The following CELF2 variants were observed in gnomAD, a reference collection of about 807,000 sequenced individuals.
CELF2 encodes the protein CUG triplet repeat RNA-binding protein 2.
Under a neutral mutation model 62.6 loss-of-function variants are expected in CELF2, and 8 were observed. The observed-to-expected ratio is 0.13, with a 90% CI of 0.07 to 0.23. CELF2 has a LOEUF of 0.23. Among genes scored for constraint, CELF2 ranks in the 10% least tolerant of loss-of-function variants. The pLI is 1.00. For synonymous variants in CELF2, 258 were observed against 250.0 expected, an observed-to-expected ratio of 1.03 and a Z score of -0.30; for missense variants, 333 against 671.0, an observed-to-expected ratio of 0.50 and a Z score of 5.56.
intron 2 of CELF2, among the ~76,000 whole-genome samples, chr10:11,204,175 T>C (rs948609821): frequency 6.6e-6 from 1 of 152,224 alleles, no homozygotes; most frequent in Non-Finnish European, 1.5e-5. Flanking sequence ...CCTAAAATTG[T>C]ACAGTGGAAG....
Position 11,321,063 on chromosome 10 carries a change from G to A in CELF2, c.1097-126G>A, listed in dbSNP as rs1196815390. On this transcript the variant is annotated intron_variant, in intron 10 of 12. Coordinates refer to ENST00000633077, the MANE Select transcript of CELF2 (RefSeq NM_001326342.2). This position sits in a 1 kb window ranked among gnomAD's most constrained non-coding sequence, Gnocchi z 6.2. ...TGGTTTCATTTTTAGTTTCCTGTCA[G>A]TGTAATTGTGTGCTAGCTGCATGTA... The A allele has an allele frequency of 4.7e-6, 6 of 1,287,216 alleles. No homozygotes were observed. Among genetic ancestry groups the A allele is most frequent in the African/African-American group, 1.5e-5 (1 of 67,886 alleles). 79.7% of individuals were successfully genotyped at this position (1,287,216 alleles called of 1,614,324 possible).
At chr10:10,554,069 C>G in the CELF2 span, among the ~76,000 whole-genome samples, 1 of 152,012 alleles carries the variant, frequency 6.6e-6, no homozygotes, top group Non-Finnish European at 1.5e-5. Context: ...TTGTGTGATC[C>G]CAGCTGGAGA....
the CELF2 span, among the ~76,000 whole-genome samples, chr10:10,709,933 A>C: frequency 2.0e-5 from 3 of 152,212 alleles, no homozygotes; most frequent in Non-Finnish European, 2.9e-5. Context: ...CTGTTATAGA[A>C]GGGGGAGCTT....
the CELF2 span, among the ~76,000 whole-genome samples, chr10:10,606,045 TG>T: frequency 2.6e-5 from 4 of 152,180 alleles, no homozygotes; most frequent in African/African-American, 7.2e-5. Flanking sequence ...ACTGGTGTTT[TG>T]TTTTGTTCTG....
chr10:10,727,146 C>G, the CELF2 span, among the ~76,000 whole-genome samples: 39 of 152,332 alleles, frequency 2.6e-4, no homozygotes, highest in African/African-American at 8.4e-4. Context: ...CTGGAGATTA[C>G]AGTTGAACAT....
the CELF2 span, among the ~76,000 whole-genome samples, chr10:10,495,309 C>T: frequency 6.6e-6 from 1 of 152,082 alleles, no homozygotes; most frequent in African/African-American, 2.4e-5. Flanking sequence ...TAAACAAGAA[C>T]ATCAAAAAGA....
At chr10:11,091,230 C>T (rs2048242390) in intron 1 of CELF2, among the ~76,000 whole-genome samples, 1 of 152,174 alleles carries the variant, frequency 6.6e-6, no homozygotes, top group Non-Finnish European at 1.5e-5. Context: ...ATTCAGGTTC[C>T]ATCATTTTAA....
chr10:10,943,098 C>T (rs2047227607), intron 2 of CELF2, among the ~76,000 whole-genome samples: 1 of 152,174 alleles, frequency 6.6e-6, no homozygotes, highest in African/African-American at 2.4e-5. Context: ...TCTTCCTTGC[C>T]CCTCCTGTTG....
chr10:11,163,282 T>C (rs924026230), intron 1 of CELF2, among the ~76,000 whole-genome samples: 1 of 152,242 alleles, frequency 6.6e-6, no homozygotes, highest in African/African-American at 2.4e-5. Context: ...TTCTGTTTTC[T>C]GTTAGCCGAG....
In CELF2 at chr10:11,012,703, A is replaced by G. The variant is rs903219374; in HGVS notation, c.53+7263A>G. On this transcript the variant is annotated intron_variant, in intron 1 of 12. Transcript: ENST00000416382. This position sits in a 1 kb window ranked among gnomAD's most constrained non-coding sequence, Gnocchi z 5.5. ...ACAAGAACTTCTGACCAGTTGGGGAAAACATGTCGTCGGGGTGGGGGCAGT... is the reference window on the plus strand; with the variant it reads ...ACAAGAACTTCTGACCAGTTGGGGAGAACATGTCGTCGGGGTGGGGGCAGT... 6.6e-6 allele frequency among the ~76,000 whole-genome samples: 1 copy of G among 152,180 alleles called. No individual in the cohort carries two copies. The highest frequency in any genetic ancestry group is 1.5e-5 in the Non-Finnish European group (1 of 68,030).
At chr10:11,013,833 A>G (rs1051404203), upstream of CELF2, among the ~76,000 whole-genome samples, 1 of 152,230 alleles carries the variant, frequency 6.6e-6, no homozygotes, top group African/African-American at 2.4e-5. The surrounding 1 kb of genome is among the most constrained non-coding windows in gnomAD (Gnocchi z 4.1). Flanking sequence ...GTCATTACGG[A>G]ACCAAGAAGA....
At chr10:11,094,493 T>C (rs1188753003) in intron 1 of CELF2, among the ~76,000 whole-genome samples, 1 of 152,202 alleles carries the variant, frequency 6.6e-6, no homozygotes, top group Non-Finnish European at 1.5e-5. Flanking sequence ...TGACTTGAAA[T>C]GGTTGAATGT....
chr10:10,857,654 T>TAA (rs1181804135), intron 1 of CELF2, among the ~76,000 whole-genome samples: 1 of 111,708 alleles, frequency 9.0e-6, no homozygotes, highest in Non-Finnish European at 1.8e-5. Flanking sequence ...ATATAGTATA[T>TAA]ATATATATAT....
At chr10:11,135,179 T>C (rs1365285195) in intron 1 of CELF2, among the ~76,000 whole-genome samples, 1 of 152,248 alleles carries the variant, frequency 6.6e-6, no homozygotes, top group Non-Finnish European at 1.5e-5. Context: ...TCTGGCATCA[T>C]GTGCCGATGC....
chr10:10,918,963 C>T (rs2064604715), intron 1 of CELF2, among the ~76,000 whole-genome samples: 1 of 152,102 alleles, frequency 6.6e-6, no homozygotes, highest in African/African-American at 2.4e-5. Context: ...TCCAAGAATA[C>T]ATTTCTGATT....
chr10:10,857,319 T>C (rs2059774707), intron 1 of CELF2, among the ~76,000 whole-genome samples: 1 of 151,892 alleles, frequency 6.6e-6, no homozygotes, highest in South Asian at 2.1e-4. Context: ...TCCAACCAGA[T>C]GCAGTGAAAA....
In CELF2 at chr10:11,146,253, C is replaced by T. The variant is rs187513041; in HGVS notation, c.75-19233C>T. 1.2e-4 allele frequency among the ~76,000 whole-genome samples: 18 copies of T among 152,300 alleles called. No individual in the cohort carries two copies. The East Asian group carries it at 3.5e-3, about 29-fold the overall frequency. On this transcript the variant is annotated intron_variant, in intron 1 of 12. Transcript: ENST00000633077. The stretch of plus-strand genomic sequence containing the variant: ...TGAATGAATTATTCAAATAATGACA[C>T]CTTATTAGCAGTATTTTCCACATGT...
chr10:10,505,206 C>T, the CELF2 span, among the ~76,000 whole-genome samples: 1 of 152,116 alleles, frequency 6.6e-6, no homozygotes, highest in African/African-American at 2.4e-5. Context: ...GTCAAGGAAA[C>T]AGGAGATTTC....
intron 1 of CELF2, 65 bp downstream of exon 1, chr10:11,018,228 AG>A: frequency 7.2e-7 from 1 of 1,396,270 alleles, no homozygotes; most frequent in East Asian, 3.2e-5. Context: ...GGCGGCGCGA[AG>A]GGGACGGGCG....
Sources: gnomAD v4.1 joint callset for allele counts (sites outside exome capture counted in the v4.1 genomes callset) on GRCh38, gnomAD v4.1.1 for gene constraint, Gnocchi (gnomAD v3.1) non-coding constraint, MANE v1.5 for transcripts, NCBI Gene and HGNC (gene_info 2026-07-23, HGNC 2026-07-21) for gene names.